Variants in TENM4 observed in about 807,000 individuals in gnomAD.
The protein encoded by TENM4 is teneurin transmembrane protein 4.
Under a neutral mutation model 243.3 loss-of-function variants are expected in TENM4, and 82 were observed. That is an observed-to-expected ratio of 0.34 (90% confidence interval 0.28 to 0.40). The LOEUF is 0.40. Among genes scored for constraint, TENM4 ranks in the 10% least tolerant of loss-of-function variants. The pLI is 1.00. For missense variants in TENM4, 3,138 were observed against 3,673.3 expected (o/e 0.85, Z 3.77); for synonymous variants, 1,412 against 1,456.3 (o/e 0.97, Z 0.69).
In TENM4 at chr11:78,891,224, G is replaced by A. The variant is rs1052364075; in HGVS notation, c.848+14C>T. The A allele has an allele frequency of 1.3e-6, 2 of 1,550,784 alleles. No homozygotes were observed. Among genetic ancestry groups the A allele is most frequent in the Non-Finnish European group, 1.7e-6 (2 of 1,146,382 alleles). On this transcript the variant is annotated intron_variant, in intron 8 of 33. Coordinates refer to ENST00000278550, the MANE Select transcript of TENM4 (RefSeq NM_001098816.3). The stretch of plus-strand genomic sequence containing the variant: ...GAGAGCACACACAGAGAGGAGAATG[G>A]GGATGTCACCTACCCGTCACTGTAA...
In TENM4 at chr11:79,098,997, TG is replaced by T. The variant is rs1861154363; in HGVS notation, c.-65-28989del. On this transcript the variant is annotated intron_variant, in intron 4 of 33. Transcript: ENST00000278550. ...TTGAATAAGATGACACATGTAAAAA[TG>T]GCTTTGCAAACTGTTTAATTGGAAT... Among the ~76,000 whole-genome samples the T allele has an allele frequency of 2.0e-5, 3 of 152,302 alleles. No homozygotes were observed. In the South Asian group the frequency reaches 6.2e-4, roughly 32 times the overall value.
intron 1 of TENM4, among the ~76,000 whole-genome samples, chr11:79,404,148 C>T (rs1858519690): frequency 6.6e-6 from 1 of 152,258 alleles, no homozygotes; most frequent in African/African-American, 2.4e-5. Context: ...GCTGGATCAC[C>T]TGACATAATA....
intron 12 of TENM4, among the ~76,000 whole-genome samples, chr11:78,823,966 G>C (rs1227001373): frequency 6.6e-6 from 1 of 152,152 alleles, no homozygotes; most frequent in East Asian, 1.9e-4. Flanking sequence ...GGAAGGGAAA[G>C]TGTTCTTTCC....
chr11:79,013,041 G>A (rs145515556), intron 6 of TENM4, among the ~76,000 whole-genome samples: 2 of 152,156 alleles, frequency 1.3e-5, no homozygotes, highest in South Asian at 2.1e-4. Flanking sequence ...ACTGATACAC[G>A]AACAAGATTT....
At chr11:79,288,818 G>A (rs1186569999) in intron 2 of TENM4, among the ~76,000 whole-genome samples, 1 of 152,086 alleles carries the variant, frequency 6.6e-6, no homozygotes, top group Non-Finnish European at 1.5e-5. Flanking sequence ...GGGAAGGAGG[G>A]ATGTCTAAGG....
chr11:79,102,660 C>G (rs114467165), intron 4 of TENM4, among the ~76,000 whole-genome samples: 2 of 152,188 alleles, frequency 1.3e-5, no homozygotes, highest in Non-Finnish European at 2.9e-5. Context: ...TTTTGTCTGT[C>G]CATCCATCTA....
intron 9 of TENM4, among the ~76,000 whole-genome samples, chr11:78,873,917 C>T (rs955999586): frequency 6.6e-6 from 1 of 151,954 alleles, no homozygotes; most frequent in African/African-American, 2.4e-5. Context: ...GAACGGTCAC[C>T]ACCTTCTCTA....
chr11:79,251,154 C>T (rs1421714486), intron 2 of TENM4, among the ~76,000 whole-genome samples: 2 of 152,128 alleles, frequency 1.3e-5, no homozygotes, highest in African/African-American at 4.8e-5. Flanking sequence ...GTTTTAACAT[C>T]CACGTGGGGG....
At position 78,657,809 on chromosome 11, in the gene TENM4, A is replaced by G; in HGVS notation, c.*249T>C. The G allele has an allele frequency of 1.7e-6, 1 of 594,756 alleles. No homozygotes were observed. Among genetic ancestry groups the G allele is most frequent in the Non-Finnish European group, 2.9e-6 (1 of 339,828 alleles). The allele number at this position is 594,756 out of a possible 1,614,324, so 36.8% of individuals were successfully genotyped here. On this transcript the variant is annotated 3_prime_UTR_variant, in exon 34 of 34. Transcript: ENST00000278550. ...AAATCCTCAAGGAAAAAGGGAACAA[A>G]AGACAATAAAGTTTTCATTGTGATC...
intron 1 of TENM4, among the ~76,000 whole-genome samples, chr11:79,409,829 T>A (rs1858660828): frequency 6.6e-6 from 1 of 152,244 alleles, no homozygotes; most frequent in South Asian, 2.1e-4. Context: ...CCCAGCTTTC[T>A]TGGCCCCTGA....
chr11:78,728,224 C>G (rs547188037), intron 22 of TENM4, among the ~76,000 whole-genome samples: 2 of 152,148 alleles, frequency 1.3e-5, no homozygotes, highest in African/African-American at 4.8e-5. Flanking sequence ...GGATTGTATG[C>G]GAACCCATAG....
At chr11:78,736,477 T>TGTGTGTGTGTGTGTGTGTGCGC (rs1328804792) in intron 20 of TENM4, among the ~76,000 whole-genome samples, 31 of 102,064 alleles carry the variant, frequency 3.0e-4, no homozygotes, top group African/African-American at 1.0e-3. Context: ...TGTGTGTGTG[T>TGTGTGTGTGTGTGTGTGTGCGC]GTGCGCGCGC....
chr11:78,897,449 A>G (rs1477314032), intron 7 of TENM4, among the ~76,000 whole-genome samples: 1 of 152,094 alleles, frequency 6.6e-6, no homozygotes, highest in Non-Finnish European at 1.5e-5. Flanking sequence ...GACTCCCAAC[A>G]CCCACCTTAT....
chr11:79,418,789 T>C (rs951677849), intron 1 of TENM4, among the ~76,000 whole-genome samples: 11 of 152,210 alleles, frequency 7.2e-5, no homozygotes, highest in Non-Finnish European at 1.3e-4. Context: ...CTCCATTACG[T>C]GGCTGTGTCT....
chr11:78,780,709 C>G (rs1271127191), intron 16 of TENM4, among the ~76,000 whole-genome samples: 3 of 152,204 alleles, frequency 2.0e-5, no homozygotes, highest in Non-Finnish European at 2.9e-5. Flanking sequence ...AGAGCTCTCT[C>G]TCTTCTAATG....
intron 1 of TENM4, among the ~76,000 whole-genome samples, chr11:79,388,052 T>A (rs924359457): frequency 3.3e-5 from 5 of 152,206 alleles, no homozygotes; most frequent in African/African-American, 1.2e-4. Context: ...GTTTTGAGTG[T>A]GAAAGGTGGT....
intron 1 of TENM4, chr11:79,439,070 C>G (rs1859340152): frequency 6.6e-6 from 1 of 152,018 alleles, no homozygotes; most frequent in Non-Finnish European, 1.5e-5. Flanking sequence ...CGATGCCGCT[C>G]AGCAGATCTC....
At chr11:78,875,285 T>C (rs1386755590) in intron 9 of TENM4, among the ~76,000 whole-genome samples, 1 of 152,178 alleles carries the variant, frequency 6.6e-6, no homozygotes, top group Non-Finnish European at 1.5e-5. Flanking sequence ...CTCACTGCAA[T>C]CTCTGCCTCC....
chr11:78,740,991 T>C (rs74505578), intron 19 of TENM4, among the ~76,000 whole-genome samples: 5,014 of 152,320 alleles, frequency 0.033, 207 homozygotes, highest in African/African-American at 0.097. Flanking sequence ...TGGACGCCGA[T>C]AGGCCATAGA....
Sources: allele counts gnomAD v4.1 joint callset (sites outside exome capture counted in the v4.1 genomes callset), GRCh38; gene constraint gnomAD v4.1.1; transcripts MANE v1.5; gene names NCBI Gene and HGNC (gene_info 2026-07-23, HGNC 2026-07-21).